BCR: variants seen among roughly 807,000 people sequenced by gnomAD.
The protein encoded by BCR is BCR activator of RhoGEF and GTPase.
Under a neutral mutation model 138.6 loss-of-function variants are expected in BCR, and 58 were observed. That is an observed-to-expected ratio of 0.42 (90% CI 0.34 to 0.52). The LOEUF (loss-of-function observed/expected upper bound fraction) is 0.52. Among genes scored for constraint, BCR ranks in the 20% least tolerant of loss-of-function variants. BCR has a pLI of 0.06. For missense variants in BCR, 1,599 were observed against 1,727.2 expected, an observed-to-expected ratio of 0.93 and a Z score of 1.32; for synonymous variants, 786 against 730.1, an observed-to-expected ratio of 1.08 and a Z score of -1.23.
intron 12 of BCR, among the ~76,000 whole-genome samples, chr22:23,289,077 G>C (rs2073752725): frequency 1.3e-5 from 2 of 152,332 alleles, no homozygotes; most frequent in Admixed American, 6.5e-5. Flanking sequence ...CAGAGTGGCA[G>C]CCTCTGTTCC....
intron 1 of BCR, among the ~76,000 whole-genome samples, chr22:23,202,741 G>GTGTGTGTC (rs1292645045): frequency 6.8e-6 from 1 of 147,520 alleles, no homozygotes; most frequent in Non-Finnish European, 1.5e-5. Flanking sequence ...GTGTGTGTGT[G>GTGTGTGTC]TGTGTGTATA....
chr22:23,309,956 G>A (rs1327011215), intron 17 of BCR: 2 of 343,716 alleles, frequency 5.8e-6, no homozygotes, highest in Admixed American at 4.5e-5. Flanking sequence ...GAGAAAGCCA[G>A]GCACAGTGCA....
chr22:23,282,511 G>A (rs567311408), intron 8 of BCR, among the ~76,000 whole-genome samples: 3 of 152,322 alleles, frequency 2.0e-5, no homozygotes, highest in African/African-American at 4.8e-5. Context: ...TGAGAGTGTC[G>A]GAGGACTGGC....
intron 1 of BCR, among the ~76,000 whole-genome samples, chr22:23,234,230 G>C (rs940494150): frequency 1.3e-5 from 2 of 152,168 alleles, no homozygotes; most frequent in Admixed American, 1.3e-4. Flanking sequence ...TTTGATCCTT[G>C]TCTGCACCCA....
intron 1 of BCR, among the ~76,000 whole-genome samples, chr22:23,196,553 C>T (rs578010551): frequency 1.3e-5 from 2 of 152,210 alleles, no homozygotes; most frequent in Non-Finnish European, 2.9e-5. Context: ...TCCAGGATTC[C>T]CTTGGGCAGC....
intron 1 of BCR, among the ~76,000 whole-genome samples, chr22:23,251,559 C>G (rs933041223): frequency 6.6e-6 from 1 of 152,356 alleles, no homozygotes; most frequent in African/African-American, 2.4e-5. Flanking sequence ...ACACACGGCT[C>G]TCCCCGGCCT....
chr22:23,216,498 G>C (rs1017251252), intron 1 of BCR, among the ~76,000 whole-genome samples: 1 of 152,222 alleles, frequency 6.6e-6, no homozygotes, highest in Non-Finnish European at 1.5e-5. Flanking sequence ...TCATCCGATG[G>C]TAAGGATGAA....
At position 23,274,368 on chromosome 22, in the gene BCR, G is replaced by T. The variant is rs977818116; in HGVS notation, c.2115+594G>T. Among the ~76,000 whole-genome samples, 4 of 152,208 alleles carry T rather than the reference G, an allele frequency of 2.6e-5. No individual in the cohort carries two copies. The South Asian group carries it at 8.3e-4, about 32-fold the overall frequency. ...AGCAGGCATGGCCTGTGCCTGTGCC[G>T]CTCTGAGCCTTCCTAGGTGTGGCCT... On this transcript the variant is annotated intron_variant, in intron 8 of 22. Transcript: ENST00000305877.
chr22:23,292,499 GA>G, intron 14 of BCR, 41 bp from the exon 15 acceptor site: 1 of 1,464,658 alleles, frequency 6.8e-7, no homozygotes, highest in East Asian at 2.3e-5. Context: ...GGGTGATGTG[GA>G]AAAGACCTGT....
intron 1 of BCR, among the ~76,000 whole-genome samples, chr22:23,241,537 C>T (rs2073092311): frequency 6.6e-6 from 1 of 152,194 alleles, no homozygotes; most frequent in African/African-American, 2.4e-5. Context: ...CTTTGAAGGG[C>T]ACTACCCATC....
At chr22:23,183,260 G>A (rs780115463) in intron 1 of BCR, among the ~76,000 whole-genome samples, 6 of 152,176 alleles carry the variant, frequency 3.9e-5, no homozygotes, top group Non-Finnish European at 7.4e-5. Context: ...TGAGGCTGTC[G>A]GGAATCTTTT....
At chr22:23,252,209 G>A (rs2073235721) in intron 1 of BCR, among the ~76,000 whole-genome samples, 1 of 152,118 alleles carries the variant, frequency 6.6e-6, no homozygotes, top group Non-Finnish European at 1.5e-5. Context: ...GCCAGACTGG[G>A]GGATGGGGGA....
intron 1 of BCR, among the ~76,000 whole-genome samples, chr22:23,209,369 G>C (rs1421210701): frequency 6.7e-6 from 1 of 150,220 alleles, no homozygotes; most frequent in Admixed American, 6.6e-5. Flanking sequence ...CAAAAAAAAA[G>C]AATCTCTTTT....
intron 16 of BCR, among the ~76,000 whole-genome samples, chr22:23,305,125 AAAAAAG>A (rs2146322524): frequency 6.6e-6 from 1 of 152,092 alleles, no homozygotes; most frequent in South Asian, 2.1e-4. Context: ...AAAAAAAAAA[AAAAAAG>A]GTGCAGGATG....
chr22:23,275,941 C>T (rs1021292720), intron 8 of BCR, among the ~76,000 whole-genome samples: 1 of 152,200 alleles, frequency 6.6e-6, no homozygotes, highest in Non-Finnish European at 1.5e-5. Context: ...CTTCTCAGTG[C>T]TCGGATCATT....
At chr22:23,223,330 A>G (rs552454683) in intron 1 of BCR, among the ~76,000 whole-genome samples, 9 of 152,302 alleles carry the variant, frequency 5.9e-5, no homozygotes, top group Non-Finnish European at 8.8e-5. Flanking sequence ...GTGTACATGC[A>G]TATCTCCAAG....
intron 1 of BCR, chr22:23,199,195 C>T (rs2072518659): frequency 4.2e-6 from 2 of 472,170 alleles, no homozygotes; most frequent in Non-Finnish European, 8.4e-6. Context: ...TTTCCTCTCT[C>T]ATGGCATTTC....
chr22:23,309,643 C>T (rs1190918842), intron 17 of BCR, 160 bp downstream of exon 17: 7 of 616,250 alleles, frequency 1.1e-5, no homozygotes, highest in African/African-American at 1.9e-5. Flanking sequence ...TCACCATGCA[C>T]GGGAATCGTC....
At position 23,290,008 on chromosome 22, in the gene BCR, T is replaced by G. The variant is rs1409689214; in HGVS notation, c.2708-331T>G. 13 of 507,782 alleles carry G rather than the reference T, an allele frequency of 2.6e-5. No individual in the cohort carries two copies. In the East Asian group the frequency reaches 4.2e-4, roughly 16 times the overall value. 31.5% of individuals were successfully genotyped at this position (507,782 alleles called of 1,614,324 possible). On this transcript the variant is annotated intron_variant, in intron 13 of 22. Coordinates refer to ENST00000305877, the MANE Select transcript of BCR (RefSeq NM_004327.4). Reference sequence around the variant, plus strand: ...TTTGCATTCACTGTTGCACATATGCTCAGTCACACACACAGCATACGCTAT... The same window carrying G: ...TTTGCATTCACTGTTGCACATATGCGCAGTCACACACACAGCATACGCTAT...
Sources: allele counts gnomAD v4.1 joint callset (sites outside exome capture counted in the v4.1 genomes callset), GRCh38; gene constraint gnomAD v4.1.1; transcripts MANE v1.5; gene names NCBI Gene and HGNC (gene_info 2026-07-23, HGNC 2026-07-21).